The following TTC12 variants were observed in gnomAD, a reference collection of about 807,000 sequenced individuals.
The protein encoded by TTC12 is tetratricopeptide repeat protein 12.
TTC12 carries 70 observed loss-of-function variants against 90.1 expected under a neutral mutation model. The ratio of observed to expected loss-of-function variants is 0.78; its 90% CI spans 0.64 to 0.95. The LOEUF is 0.95. Ranked by LOEUF, TTC12 falls within the 40% of genes least tolerant of loss-of-function variation. The pLI is 0.00. For missense variants in TTC12, 819 were observed against 846.1 expected, an observed-to-expected ratio of 0.97 and a Z score of 0.40; for synonymous variants, 296 against 311.5, an observed-to-expected ratio of 0.95 and a Z score of 0.53.
intron 12 of TTC12, among the ~76,000 whole-genome samples, chr11:113,343,119 A>G (rs1555146735): frequency 6.6e-6 from 1 of 152,216 alleles, no homozygotes; most frequent in East Asian, 1.9e-4. Context: ...GGGAATGCTT[A>G]AAAGTAAGGA....
chr11:113,338,861 CA>C (rs782490661), intron 9 of TTC12, 27 bp downstream of exon 9: 22 of 1,605,598 alleles, frequency 1.4e-5, no homozygotes, highest in Non-Finnish European at 1.5e-5. Context: ...TGAGGTCCTT[CA>C]TCTGAACTCC....
At chr11:113,346,681 G>A (rs1293839599) in intron 13 of TTC12, among the ~76,000 whole-genome samples, 1 of 148,290 alleles carries the variant, frequency 6.7e-6, no homozygotes, top group African/African-American at 2.5e-5. Context: ...TTCTTCTGTA[G>A]TAGAGTTAGG....
In TTC12 at chr11:113,359,992, A is replaced by T; in HGVS notation, c.1598A>T (p.Asp533Val). The T allele has an allele frequency of 6.3e-7, 1 of 1,598,362 alleles. No homozygotes were observed. The highest frequency in any genetic ancestry group is 1.1e-5 in the South Asian group (1 of 87,414). ...RRCLSLLNSQ[D>V]GGILTRAAGV... ...TGCCTGTCTTTACTAAACAGCCAGG[A>T]TGGAGGAATCCTGACAGTAAGTTTC... Residue 533 changes from aspartate to valine, a missense_variant, in exon 18 of 22, where the codon GAT (aspartate) becomes GTT (valine). Coordinates refer to ENST00000529221, the MANE Select transcript of TTC12 (RefSeq NM_017868.4).
At chr11:113,367,272 C>T (rs983399520), downstream of TTC12, among the ~76,000 whole-genome samples, 2 of 152,210 alleles carry the variant, frequency 1.3e-5, no homozygotes, top group Admixed American at 1.3e-4. Flanking sequence ...TGGTCGTACC[C>T]TGCTACCTGC....
chr11:113,366,215 A>G lies in TTC12; in HGVS notation c.2043-10A>G. On this transcript the variant is annotated splice_polypyrimidine_tract_variant and intron_variant, in intron 21 of 21. Transcript: ENST00000529221. ...CTTATGCCCTGGGTTGTTTGTTTTG[A>G]TTGTGACAGATTTGCTGCTCAACTG... 1 of 1,612,384 alleles carries G rather than the reference A, an allele frequency of 6.2e-7. No individual in the cohort carries two copies. The highest frequency in any genetic ancestry group is 8.5e-7 in the Non-Finnish European group (1 of 1,179,992).
At chr11:113,317,495 C>T (rs558451547) in intron 2 of TTC12, among the ~76,000 whole-genome samples, 1 of 152,158 alleles carries the variant, frequency 6.6e-6, no homozygotes, top group Non-Finnish European at 1.5e-5. Flanking sequence ...TGTTCTGGTT[C>T]TTCTCACCCA....
chr11:113,364,019 C>A, intron 20 of TTC12, 92 bp downstream of exon 20: 1 of 816,668 alleles, frequency 1.2e-6, no homozygotes, highest in Non-Finnish European at 2.0e-6. Flanking sequence ...AGGAACTTAG[C>A]AGCAATGCTG....
intron 13 of TTC12, among the ~76,000 whole-genome samples, chr11:113,349,463 T>C (rs1949147884): frequency 1.3e-5 from 2 of 152,246 alleles, no homozygotes; most frequent in South Asian, 4.1e-4. Flanking sequence ...AGGTGTTTTT[T>C]GGCATCTGTG....
At chr11:113,320,212 T>A (rs1044805804) in intron 2 of TTC12, among the ~76,000 whole-genome samples, 1 of 152,078 alleles carries the variant, frequency 6.6e-6, no homozygotes, top group Non-Finnish European at 1.5e-5. Flanking sequence ...GACCCCACCC[T>A]CAAGCCGGGA....
chr11:113,355,123 C>T (rs556417555), intron 16 of TTC12, among the ~76,000 whole-genome samples: 4 of 152,276 alleles, frequency 2.6e-5, no homozygotes, highest in Middle Eastern at 3.4e-3. Context: ...TTATTACTGA[C>T]TTAATTTCAG....
chr11:113,340,001 A>G (rs1948594372), intron 10 of TTC12, among the ~76,000 whole-genome samples: 2 of 152,184 alleles, frequency 1.3e-5, no homozygotes, highest in South Asian at 4.1e-4. Flanking sequence ...TGGAAGACAG[A>G]ATTTTGTAGG....
chr11:113,352,556 C>A (rs1949367299), intron 16 of TTC12, among the ~76,000 whole-genome samples: 1 of 151,846 alleles, frequency 6.6e-6, no homozygotes, highest in South Asian at 2.1e-4. Context: ...TTTCGTTACC[C>A]AGGTATTAAG....
At chr11:113,350,313 C>T in intron 14 of TTC12, 148 bp downstream of exon 14, 1 of 626,920 alleles carries the variant, frequency 1.6e-6, no homozygotes, top group Admixed American at 2.9e-5. Context: ...CTGATGCCTC[C>T]CAGGGGGCTG....
At chr11:113,364,594 A>G in intron 20 of TTC12, 1 of 526,270 alleles carries the variant, frequency 1.9e-6, no homozygotes, top group Middle Eastern at 5.2e-4. Flanking sequence ...TCATCTAACA[A>G]CTGTGTTGTG....
chr11:113,362,578 TG>T, intron 19 of TTC12, 76 bp downstream of exon 19: 1 of 1,054,582 alleles, frequency 9.5e-7, no homozygotes, highest in Admixed American at 1.9e-5. Flanking sequence ...AGAATTAAGG[TG>T]GGCTTTGTTT....
In TTC12 at chr11:113,359,353, G is replaced by T. The variant is rs782815742; in HGVS notation, c.1447-10G>T. 7.5e-6 allele frequency: 12 copies of T among 1,590,404 alleles called. No individual in the cohort carries two copies. The Admixed American group carries it at 1.9e-4, about 25-fold the overall frequency. On this transcript the variant is annotated splice_polypyrimidine_tract_variant and intron_variant, in intron 16 of 21. Coordinates refer to ENST00000529221, the MANE Select transcript of TTC12 (RefSeq NM_017868.4). Reference sequence around the variant, plus strand: ...AAAAGGTCATTGGTTACCTTGTTTTGTTTCCCAAGGCCAGGTGTGAGGAGG... The same window carrying T: ...AAAAGGTCATTGGTTACCTTGTTTTTTTTCCCAAGGCCAGGTGTGAGGAGG...
At chr11:113,330,139 G>A (rs1162169691) in intron 7 of TTC12, among the ~76,000 whole-genome samples, 160 bp downstream of exon 7, 1 of 152,218 alleles carries the variant, frequency 6.6e-6, no homozygotes, top group Non-Finnish European at 1.5e-5. Flanking sequence ...GGAGGGTCAC[G>A]ACAATGCACA....
chr11:113,328,062 T>C (rs1489858469), intron 6 of TTC12, among the ~76,000 whole-genome samples: 2 of 152,170 alleles, frequency 1.3e-5, no homozygotes, highest in Non-Finnish European at 2.9e-5. Context: ...TGAGGTTCGT[T>C]GTTAAGATTG....
intron 18 of TTC12, among the ~76,000 whole-genome samples, chr11:113,360,625 G>C (rs17115402): frequency 0.016 from 2,393 of 152,278 alleles, 69 homozygotes; most frequent in African/African-American, 0.055. Context: ...CATCACCCTA[G>C]AACGTATTCT....
Sources: allele counts gnomAD v4.1 joint callset (sites outside exome capture counted in the v4.1 genomes callset), GRCh38; gene constraint gnomAD v4.1.1; transcripts MANE v1.5; gene names NCBI Gene and HGNC (gene_info 2026-07-23, HGNC 2026-07-21).